SLC38A6: variants seen among roughly 807,000 people sequenced by gnomAD.
SLC38A6 encodes the protein N system amino acid transporter NAT-1.
A neutral mutation model predicts 65.0 loss-of-function variants in SLC38A6; 73 were observed. The observed-to-expected ratio is 1.12, with a 90% CI of 0.93 to 1.37. The LOEUF is 1.37. Among genes scored for constraint, SLC38A6 ranks in the 40% most tolerant of loss-of-function variants. SLC38A6 has a pLI of 0.00. For missense variants in SLC38A6, 561 were observed against 531.1 expected, an observed-to-expected ratio of 1.06 and a Z score of -0.55; for synonymous variants, 183 against 178.8, an observed-to-expected ratio of 1.02 and a Z score of -0.19.
At chr14:61,067,092 TTTTTAATATATACATATG>T (rs2043045598) in intron 15 of SLC38A6, among the ~76,000 whole-genome samples, 1 of 152,232 alleles carries the variant, frequency 6.6e-6, no homozygotes, top group African/African-American at 2.4e-5. Flanking sequence ...TATACATGTA[TTTTTAATATATACATATG>T]TTTTTAAAAA....
intron 12 of SLC38A6, among the ~76,000 whole-genome samples, chr14:61,049,348 T>G (rs1400567184): frequency 1.3e-5 from 2 of 152,164 alleles, no homozygotes; most frequent in African/African-American, 4.8e-5. Flanking sequence ...GCACATTCCC[T>G]TTGCTTTGTT....
chr14:60,994,490 A>G (rs972112054), intron 3 of SLC38A6, among the ~76,000 whole-genome samples: 1 of 152,154 alleles, frequency 6.6e-6, no homozygotes, highest in Non-Finnish European at 1.5e-5. Flanking sequence ...GGTTGCGGTG[A>G]GCTGAGATCA....
chr14:61,030,433 A>G lies in SLC38A6; in HGVS notation c.404-12A>G. Reference sequence around the variant, plus strand: ...TAGAATTCTAATAGGAACACTATTTATTCTTTTGCAGCTATGTCATCTTAT... The same window carrying G: ...TAGAATTCTAATAGGAACACTATTTGTTCTTTTGCAGCTATGTCATCTTAT... On this transcript the variant is annotated splice_polypyrimidine_tract_variant and intron_variant, in intron 5 of 15. Transcript: ENST00000267488. The G allele has an allele frequency of 6.3e-7, 1 of 1,583,472 alleles. No homozygotes were observed. Among genetic ancestry groups the G allele is most frequent in the Non-Finnish European group, 8.6e-7 (1 of 1,163,042 alleles).
At chr14:61,015,835 C>A in intron 3 of SLC38A6, 69 bp from the exon 4 acceptor site, 1 of 1,247,172 alleles carries the variant, frequency 8.0e-7, no homozygotes, top group South Asian at 1.4e-5. Context: ...GTAGGACCTG[C>A]TCTTCTCTTT....
chr14:61,002,700 AG>A (rs1488709993), intron 3 of SLC38A6, among the ~76,000 whole-genome samples: 2 of 152,202 alleles, frequency 1.3e-5, no homozygotes, highest in African/African-American at 4.8e-5. Flanking sequence ...TGGTACATTA[AG>A]GAAGAAATTT....
At position 61,077,692 on chromosome 14, in the gene SLC38A6, A is replaced by G. The variant is rs7150374; in HGVS notation, c.1291-1118A>G. ...TTTCATTCATCCAGAATGGTTCTCA[A>G]TTTATTAGCTCATGAGACTACATAA... On this transcript the variant is annotated intron_variant, in intron 15 of 16. Coordinates refer to the SLC38A6 transcript ENST00000354886. 7.7e-3 allele frequency among the ~76,000 whole-genome samples: 1,171 copies of G among 152,300 alleles called. 17 individuals are homozygous for G. Among genetic ancestry groups the G allele is most frequent in the African/African-American group, 0.027 (1,103 of 41,562 alleles).
At chr14:61,034,433 G>A (rs529166531) in intron 6 of SLC38A6, 6 of 152,086 alleles carry the variant, frequency 3.9e-5, no homozygotes, top group Admixed American at 6.5e-5. Context: ...TGTATAATGC[G>A]GTATTGTTAT....
intron 3 of SLC38A6, among the ~76,000 whole-genome samples, chr14:61,009,113 G>C (rs1465679997): frequency 2.6e-5 from 4 of 152,106 alleles, no homozygotes; most frequent in African/African-American, 9.7e-5. Context: ...AATTTAGTCT[G>C]CCCATTCAAA....
At position 61,030,518 on chromosome 14, in the gene SLC38A6, T is replaced by C. The variant is rs774018760; in HGVS notation, c.477T>C (p.Tyr159=). Residue 159 remains tyrosine, a synonymous_variant, in exon 6 of 16, where the codon TAT becomes TAC. Transcript: ENST00000267488. ...AAIAEFLTGD[Y]SRYWYLDGQT... ...TTGCAGAATTTTTGACTGGAGACTA[T>C]AGTAGGTAAGAAAAAGTATTTTACA... The C allele has an allele frequency of 3.1e-6, 5 of 1,601,992 alleles. No individual in the cohort carries two copies. In the Admixed American group the frequency reaches 6.8e-5, roughly 22 times the overall value.
At chr14:60,995,168 A>G (rs1282801757) in intron 3 of SLC38A6, among the ~76,000 whole-genome samples, 1 of 152,230 alleles carries the variant, frequency 6.6e-6, no homozygotes, top group African/African-American at 2.4e-5. Context: ...TTGTAGAGAT[A>G]TCTATGCTCC....
intron 6 of SLC38A6, among the ~76,000 whole-genome samples, chr14:61,035,314 C>T (rs778096868): frequency 3.9e-5 from 6 of 152,050 alleles, no homozygotes; most frequent in Non-Finnish European, 4.4e-5. Flanking sequence ...TTGAATTTTT[C>T]GCAAAAGCTT....
chr14:61,017,334 C>A (rs114702814), intron 4 of SLC38A6, among the ~76,000 whole-genome samples: 20 of 152,168 alleles, frequency 1.3e-4, no homozygotes, highest in African/African-American at 4.3e-4. Context: ...CCACCGCGCC[C>A]GGCCCTAACT....
chr14:61,025,733 A>G (rs2040579090), intron 5 of SLC38A6, among the ~76,000 whole-genome samples: 1 of 152,004 alleles, frequency 6.6e-6, no homozygotes, highest in Admixed American at 6.6e-5. Context: ...ATGGGGGAGC[A>G]TTTTCCCCCA....
chr14:61,067,874 G>A (rs191896630), intron 15 of SLC38A6, among the ~76,000 whole-genome samples: 41 of 151,956 alleles, frequency 2.7e-4, no homozygotes, highest in African/African-American at 8.2e-4. Context: ...CACCATTCCC[G>A]CTTTTGTGAC....
intron 8 of SLC38A6, among the ~76,000 whole-genome samples, chr14:61,037,939 C>G (rs183375075): frequency 4.6e-4 from 70 of 152,204 alleles, no homozygotes; most frequent in African/African-American, 1.3e-3. Context: ...CTGTTAAAAT[C>G]CTAGATGGAG....
chr14:61,048,903 G>T (rs550619021), intron 12 of SLC38A6, among the ~76,000 whole-genome samples: 25 of 152,238 alleles, frequency 1.6e-4, no homozygotes, highest in African/African-American at 5.5e-4. Context: ...AAAATAGTTT[G>T]CCATATTTCT....
At chr14:61,014,794 A>G (rs1276801574) in intron 3 of SLC38A6, among the ~76,000 whole-genome samples, 1 of 152,140 alleles carries the variant, frequency 6.6e-6, no homozygotes, top group East Asian at 1.9e-4. Flanking sequence ...GTCTGCCCCT[A>G]CAGGGGGGTG....
Position 61,057,652 on chromosome 14 carries a change from A to T in SLC38A6, c.1290+5517A>T, listed in dbSNP as rs1368964532. Among the ~76,000 whole-genome samples the T allele has an allele frequency of 2.3e-4, 2 of 8,786 alleles. 1 individual carries two copies. Among genetic ancestry groups the T allele is most frequent in the African/African-American group, 4.7e-4 (2 of 4,238 alleles). The allele number at this position is 8,786 out of a possible 152,430, so 5.8% of individuals were successfully genotyped here. On this transcript the variant is annotated intron_variant, in intron 15 of 16. Coordinates refer to the SLC38A6 transcript ENST00000354886. ...GGCCTCATAAAATGAGTTAGGGAGG[A>T]TTCCCTCTTTTTCTATTGATTGGAA... is the stretch of plus-strand genomic sequence containing the variant.
rs1555352635 is a variant in SLC38A6, at chr14:61,023,600, T to TATAC, written c.403+4021_403+4022insTACA. Among the ~76,000 whole-genome samples the TATAC allele has an allele frequency of 2.6e-3, 378 of 146,804 alleles. 11 individuals are homozygous for TATAC. The East Asian group carries it at 0.039, about 15-fold the overall frequency. On this transcript the variant is annotated intron_variant, in intron 5 of 15. Transcript: ENST00000267488. ...TAATAATAATAATAATATATATATATACACACACACACACACACATATATG... is the reference window on the plus strand; with the variant it reads ...TAATAATAATAATAATATATATATATATACACACACACACACACACACATATATG...
Sources: allele counts gnomAD v4.1 joint callset (sites outside exome capture counted in the v4.1 genomes callset), GRCh38; gene constraint gnomAD v4.1.1; transcripts MANE v1.5; gene names NCBI Gene and HGNC (gene_info 2026-07-23, HGNC 2026-07-21).